The following FANCA variants were observed in gnomAD, a reference collection of about 807,000 sequenced individuals.
FANCA encodes FA complementation group A.
A neutral mutation model predicts 194.3 loss-of-function variants in FANCA; 236 were observed. The ratio of observed to expected loss-of-function variants is 1.21; its 90% CI spans 1.09 to 1.35. FANCA has a LOEUF of 1.35. Ranked by LOEUF, FANCA falls within the 40% of genes most tolerant of loss-of-function variation. The pLI, the probability that FANCA is intolerant of heterozygous loss-of-function variation, is 0.00. For synonymous variants in FANCA, 1,014 were observed against 715.8 expected (o/e 1.42, Z -6.65); for missense variants, 2,628 against 1,813.9 (o/e 1.45, Z -8.15).
At chr16:89,758,954 C>G (rs1459967183) in intron 29 of FANCA, among the ~76,000 whole-genome samples, 2 of 152,084 alleles carry the variant, frequency 1.3e-5, no homozygotes, top group Non-Finnish European at 1.5e-5. Context: ...AAAGGCCACT[C>G]AGGATGACAT....
At chr16:89,795,295 T>TAAATAAAC (rs1351647980) in intron 11 of FANCA, among the ~76,000 whole-genome samples, 1 of 147,572 alleles carries the variant, frequency 6.8e-6, no homozygotes, top group Admixed American at 6.9e-5. Flanking sequence ...AATAAATAAA[T>TAAATAAAC]AAATAAATAA....
chr16:89,763,563 G>GCCAGCTCCAGTA (rs1567613427), intron 28 of FANCA, among the ~76,000 whole-genome samples: 2 of 152,094 alleles, frequency 1.3e-5, no homozygotes, highest in Admixed American at 6.6e-5. Flanking sequence ...TGAGAGCAAT[G>GCCAGCTCCAGTA]CCAGCTCCAG....
At chr16:89,815,694 G>A (rs17232098) in intron 2 of FANCA, among the ~76,000 whole-genome samples, 183 bp downstream of exon 2, 2 of 152,066 alleles carry the variant, frequency 1.3e-5, no homozygotes, top group African/African-American at 2.4e-5. Flanking sequence ...TAATAAAAGA[G>A]GCGGGGTCTC....
intron 35 of FANCA, among the ~76,000 whole-genome samples, chr16:89,746,061 C>T (rs538018892): frequency 1.6e-4 from 24 of 152,240 alleles, no homozygotes; most frequent in South Asian, 2.1e-4. Flanking sequence ...CTAAGTGAGC[C>T]GCCAGGGAAG....
chr16:89,798,042 C>G (rs1909907519), intron 10 of FANCA, among the ~76,000 whole-genome samples: 1 of 152,170 alleles, frequency 6.6e-6, no homozygotes, highest in African/African-American at 2.4e-5. Context: ...ACAGACTAAA[C>G]TGTATCCCCA....
At chr16:89,741,409 C>G (rs2062130348) in intron 37 of FANCA, among the ~76,000 whole-genome samples, 1 of 152,264 alleles carries the variant, frequency 6.6e-6, no homozygotes, top group African/African-American at 2.4e-5. Context: ...ACCCTGGGCG[C>G]TGCTGTCGAT....
At position 89,810,809 on chromosome 16, in the gene FANCA, A is replaced by C. The variant is rs926926580; in HGVS notation, c.427-7T>G. The C allele has an allele frequency of 6.2e-7, 1 of 1,612,652 alleles. No homozygotes were observed. Among genetic ancestry groups the C allele is most frequent in the South Asian group, 1.1e-5 (1 of 91,046 alleles). ...ACAGGGAAGACAGCTTCTTCTGAAA[A>C]GAGAGATTACATTTTTTAAAAAACA... On this transcript the variant is annotated splice_region_variant and splice_polypyrimidine_tract_variant and intron_variant, in intron 4 of 42. Coordinates refer to ENST00000389301, the MANE Select transcript of FANCA (RefSeq NM_000135.4).
At chr16:89,795,521 C>T (rs1192378714) in intron 11 of FANCA, among the ~76,000 whole-genome samples, 2 of 151,790 alleles carry the variant, frequency 1.3e-5, no homozygotes, top group African/African-American at 4.8e-5. Context: ...GCCTGTAGTC[C>T]CAGCTACTTG....
chr16:89,740,626 A>G, intron 38 of FANCA, 178 bp downstream of exon 38: 1 of 569,986 alleles, frequency 1.8e-6, no homozygotes, highest in Non-Finnish European at 3.1e-6. Flanking sequence ...ACAGAGTGAG[A>G]CCCCCATCTC....
intron 22 of FANCA, among the ~76,000 whole-genome samples, chr16:89,772,410 C>A (rs1487080715): frequency 6.6e-6 from 1 of 152,252 alleles, no homozygotes; most frequent in Admixed American, 6.5e-5. Flanking sequence ...CTAGCGCTAA[C>A]CAAGCTGTGT....
At chr16:89,805,916 C>A (rs1254284900) in intron 6 of FANCA, among the ~76,000 whole-genome samples, 1 of 149,202 alleles carries the variant, frequency 6.7e-6, no homozygotes, top group African/African-American at 2.5e-5. Flanking sequence ...TGGCCTGAAC[C>A]TTTTTTTTTT....
intron 30 of FANCA, 39 bp downstream of exon 30, chr16:89,758,538 G>T (rs755083426): frequency 6.2e-7 from 1 of 1,607,970 alleles, no homozygotes; most frequent in Admixed American, 1.7e-5. Flanking sequence ...TATTAGTCCT[G>T]TCCCTCCAGA....
At chr16:89,796,281 C>G (rs1205610730) in intron 10 of FANCA, among the ~76,000 whole-genome samples, 1 of 151,958 alleles carries the variant, frequency 6.6e-6, no homozygotes, top group Non-Finnish European at 1.5e-5. Flanking sequence ...GCAGGCCGCG[C>G]CACACCCGGG....
At chr16:89,802,199 G>A (rs2143606973) in intron 8 of FANCA, among the ~76,000 whole-genome samples, 1 of 151,674 alleles carries the variant, frequency 6.6e-6, no homozygotes, top group Middle Eastern at 3.5e-3. Flanking sequence ...CGCCTCCTGG[G>A]TTCAAGCAAT....
chr16:89,762,168 G>C, intron 28 of FANCA, 146 bp from the exon 29 acceptor site: 2 of 721,476 alleles, frequency 2.8e-6, no homozygotes, highest in East Asian at 2.6e-5. Context: ...AGTTCCACAG[G>C]AAAGAAACCT....
intron 29 of FANCA, among the ~76,000 whole-genome samples, chr16:89,760,016 C>T (rs749958095): frequency 4.6e-5 from 7 of 152,064 alleles, no homozygotes; most frequent in South Asian, 4.1e-4. Flanking sequence ...CCACGCTGTC[C>T]GGAACTGGGG....
In FANCA at chr16:89,783,159, G is replaced by A. The variant is rs1242834211; in HGVS notation, c.1471-57C>T. The A allele has an allele frequency of 1.1e-5, 14 of 1,329,756 alleles. No individual in the cohort carries two copies. In the South Asian group the frequency reaches 1.3e-4, roughly 12 times the overall value. 82.4% of individuals were successfully genotyped at this position (1,329,756 alleles called of 1,614,324 possible). On this transcript the variant is annotated intron_variant, in intron 15 of 42. Coordinates refer to ENST00000389301, the MANE Select transcript of FANCA (RefSeq NM_000135.4). Reference sequence around the variant, plus strand: ...AGTCTGGGAACTGCCTGGGACTCCAGGGAGGCCACAATTCACTTCCAACAT... The same window carrying A: ...AGTCTGGGAACTGCCTGGGACTCCAAGGAGGCCACAATTCACTTCCAACAT...
chr16:89,746,449 C>G (rs539405274), intron 35 of FANCA, 135 bp downstream of exon 35: 267 of 757,418 alleles, frequency 3.5e-4, no homozygotes, highest in Admixed American at 1.8e-3. Context: ...TTAACTGTGG[C>G]TTCCATGTCT....
chr16:89,784,911 G>A lies in FANCA; in HGVS notation c.1413C>T (p.Val471=), dbSNP rs201561753. The A allele has an allele frequency of 5.1e-5, 83 of 1,614,194 alleles. No individual in the cohort carries two copies. The East Asian group carries it at 9.1e-4, about 18-fold the overall frequency. The change falls in exon 15 of 43, where the codon GTC becomes GTT. Residue 471 remains valine, a synonymous_variant. Transcript: ENST00000389301. ...GYHGCSKKAL[V]FLFTFLSELV... is the part of the protein sequence containing the mutation. ...GTTCTGACAAGAACGTAAACAGGAA[G>A]ACCAGGGCCTTCTTGCTGCAGCCAT...
Sources: gnomAD v4.1 joint callset for allele counts (sites outside exome capture counted in the v4.1 genomes callset) on GRCh38, gnomAD v4.1.1 for gene constraint, MANE v1.5 for transcripts, NCBI Gene and HGNC (gene_info 2026-07-23, HGNC 2026-07-21) for gene names.